Variants in RIPOR2 observed in about 807,000 individuals in gnomAD.
RIPOR2 encodes the protein rho family-interacting cell polarization regulator 2.
A neutral mutation model predicts 114.5 loss-of-function variants in RIPOR2; 39 were observed. The ratio of observed to expected loss-of-function variants is 0.34; its 90% CI spans 0.26 to 0.44. RIPOR2 has a LOEUF of 0.44. Ranked by LOEUF, RIPOR2 falls within the 20% of genes least tolerant of loss-of-function variation. The pLI, the probability that RIPOR2 is intolerant of heterozygous loss-of-function variation, is 1.00. For synonymous variants in RIPOR2, 445 were observed against 484.4 expected (o/e 0.92, Z 1.07); for missense variants, 1,007 against 1,255.1 (o/e 0.80, Z 2.99).
intron 1 of RIPOR2, among the ~76,000 whole-genome samples, chr6:25,013,907 T>G (rs1232467405): frequency 6.6e-6 from 1 of 152,202 alleles, no homozygotes; most frequent in Non-Finnish European, 1.5e-5. Context: ...CTTTTTATTT[T>G]AAAAGATTAT....
chr6:24,994,058 G>A (rs1450791060), intron 1 of RIPOR2, among the ~76,000 whole-genome samples: 1 of 152,108 alleles, frequency 6.6e-6, no homozygotes, highest in African/African-American at 2.4e-5. Flanking sequence ...TTGGCTAAAT[G>A]TATTGTTCTT....
At chr6:24,915,935 C>G (rs369029010) in intron 1 of RIPOR2, among the ~76,000 whole-genome samples, 13 of 152,192 alleles carry the variant, frequency 8.5e-5, no homozygotes, top group African/African-American at 2.4e-4. Flanking sequence ...AGGCTCTCAG[C>G]TCTGGCTCTT....
At chr6:24,828,344 ATTC>A in intron 17 of RIPOR2, 49 bp from the exon 18 acceptor site, 1 of 1,245,496 alleles carries the variant, frequency 8.0e-7, no homozygotes, top group Non-Finnish European at 1.1e-6. Context: ...ATGACCATTC[ATTC>A]ATTCATTCAT....
chr6:24,877,447 G>T (rs1765911337), intron 1 of RIPOR2: 1 of 649,284 alleles, frequency 1.5e-6, no homozygotes, highest in Non-Finnish European at 1.9e-6. Flanking sequence ...AGCTGGGGAG[G>T]AGCAGCTTAC....
intron 1 of RIPOR2, among the ~76,000 whole-genome samples, chr6:24,889,348 G>C (rs559376615): frequency 6.6e-6 from 1 of 152,094 alleles, no homozygotes; most frequent in East Asian, 1.9e-4. Context: ...AAATTCACCC[G>C]CGACCTGAAG....
chr6:25,041,534 C>T (rs149688943), intron 1 of RIPOR2, among the ~76,000 whole-genome samples: 51 of 152,288 alleles, frequency 3.3e-4, no homozygotes, highest in African/African-American at 1.2e-3. Context: ...ACTCCTTGAC[C>T]GATGTAAATA....
chr6:24,865,193 G>A lies in RIPOR2; in HGVS notation c.651+108C>T, dbSNP rs1764464120. ...TAACAGTAAAACCTATCTTTCTAGA[G>A]GGTGGAATGAGGTTGTGGGTTGCTG... On this transcript the variant is annotated intron_variant, in intron 7 of 21. Coordinates refer to ENST00000643898, the MANE Select transcript of RIPOR2 (RefSeq NM_001286445.3). The A allele has an allele frequency of 3.5e-6, 3 of 858,398 alleles. No individual in the cohort carries two copies. The Admixed American group carries it at 7.9e-5, about 23-fold the overall frequency. The allele number at this position is 858,398 out of a possible 1,614,324, so 53.2% of individuals were successfully genotyped here.
intron 1 of RIPOR2, among the ~76,000 whole-genome samples, chr6:24,911,801 G>A (rs1769633467): frequency 6.6e-6 from 1 of 152,106 alleles, no homozygotes. Context: ...CTTACATAGG[G>A]ATTCCCTGCT....
intron 1 of RIPOR2, chr6:25,023,144 A>T (rs941998838): frequency 3.5e-5 from 19 of 542,870 alleles, no homozygotes; most frequent in Non-Finnish European, 3.6e-6. Context: ...CTACGCTGCC[A>T]GCCGGGAAGA....
intron 1 of RIPOR2, among the ~76,000 whole-genome samples, chr6:24,884,670 C>T (rs1254943701): frequency 1.3e-5 from 2 of 152,188 alleles, no homozygotes; most frequent in Admixed American, 6.6e-5. Context: ...GTGAACCTCA[C>T]ACTGTATCTG....
At chr6:24,853,086 T>A (rs980430221) in intron 8 of RIPOR2, among the ~76,000 whole-genome samples, 3 of 152,230 alleles carry the variant, frequency 2.0e-5, no homozygotes, top group Non-Finnish European at 4.4e-5. Context: ...TGCCCCCCAA[T>A]TTACTCATTC....
Position 25,005,003 on chromosome 6 carries a change from AC to A in RIPOR2, c.76+36847del, listed in dbSNP as rs1561838735. Among the ~76,000 whole-genome samples, 726 of 150,502 alleles carry A rather than the reference AC, an allele frequency of 4.8e-3. 2 individuals carry two copies. Among genetic ancestry groups the A allele is most frequent in the Non-Finnish European group, 7.0e-3 (471 of 67,544 alleles). ...AAATAGGCTACACACACACACACACACACACACACACACACACACACACACA... is the reference window on the plus strand; with the variant it reads ...AAATAGGCTACACACACACACACACAACACACACACACACACACACACACA... On this transcript the variant is annotated intron_variant, in intron 1 of 13. Transcript: ENST00000510784.
Position 24,952,674 on chromosome 6 carries a change from A to T in RIPOR2, c.77-76857T>A, listed in dbSNP as rs543021999. 3.3e-5 allele frequency among the ~76,000 whole-genome samples: 5 copies of T among 152,342 alleles called. No individual in the cohort carries two copies. The South Asian group carries it at 8.3e-4, about 25-fold the overall frequency. ...TTAAATGTAATTTATTTAATTGCAC[A>T]CTTATATAATTTAATTTTAAATCAT... On this transcript the variant is annotated intron_variant, in intron 1 of 13. Transcript: ENST00000510784.
At chr6:24,841,720 C>A (rs193197853) in intron 13 of RIPOR2, among the ~76,000 whole-genome samples, 91 of 151,650 alleles carry the variant, frequency 6.0e-4, no homozygotes, top group Middle Eastern at 3.4e-3. Context: ...TTGGCTCAAG[C>A]GATTCTTCCA....
chr6:24,936,037 G>A (rs533333273), upstream of RIPOR2: 2 of 626,246 alleles, frequency 3.2e-6, no homozygotes, highest in East Asian at 5.5e-5. Context: ...CCTGAAGAAA[G>A]CAGTTTCATT....
At chr6:24,921,473 C>T (rs1321524292) in intron 1 of RIPOR2, among the ~76,000 whole-genome samples, 4 of 151,744 alleles carry the variant, frequency 2.6e-5, no homozygotes, top group African/African-American at 9.7e-5. Flanking sequence ...CTTAGATCTT[C>T]TACCATTCTC....
intron 1 of RIPOR2, among the ~76,000 whole-genome samples, chr6:24,903,725 A>C (rs1417665327): frequency 4.6e-5 from 7 of 152,220 alleles, no homozygotes; most frequent in African/African-American, 1.4e-4. Context: ...TCCAGAGAGT[A>C]ACTTCTAATG....
At chr6:24,912,472 T>G (rs1561767761) in intron 1 of RIPOR2, among the ~76,000 whole-genome samples, 1 of 151,252 alleles carries the variant, frequency 6.6e-6, no homozygotes, top group Non-Finnish European at 1.5e-5. Flanking sequence ...CCCCCCTTTT[T>G]TTTTTGCCCT....
chr6:24,969,681 C>T (rs1419608342), intron 1 of RIPOR2, among the ~76,000 whole-genome samples: 3 of 151,938 alleles, frequency 2.0e-5, no homozygotes, highest in African/African-American at 7.3e-5. Flanking sequence ...TTTGATTGGC[C>T]CTGCTCCCAC....
Sources: allele counts gnomAD v4.1 joint callset (sites outside exome capture counted in the v4.1 genomes callset), GRCh38; gene constraint gnomAD v4.1.1; transcripts MANE v1.5; gene names NCBI Gene and HGNC (gene_info 2026-07-23, HGNC 2026-07-21).